BBOX1: variants seen among roughly 807,000 people sequenced by gnomAD.
BBOX1 encodes the protein gamma-butyrobetaine dioxygenase.
Under a neutral mutation model 41.6 loss-of-function variants are expected in BBOX1, and 35 were observed. That is an observed-to-expected ratio of 0.84 (90% CI 0.64 to 1.11). The LOEUF (loss-of-function observed/expected upper bound fraction) is 1.11. Among genes scored for constraint, BBOX1 ranks in the 50% most tolerant of loss-of-function variants. The probability of loss-of-function intolerance (pLI) is 0.00; values close to 1 mark genes in which losing one functional copy is unlikely to be tolerated. For synonymous variants in BBOX1, 163 were observed against 154.7 expected (o/e 1.05, Z -0.40); for missense variants, 458 against 460.6 (o/e 0.99, Z 0.05).
At chr11:27,093,095 C>T in intron 4 of BBOX1, 73 bp from the exon 5 acceptor site, 1 of 1,394,120 alleles carries the variant, frequency 7.2e-7, no homozygotes. Context: ...TGAACTAGCC[C>T]CTTCTCTGAG....
intron 4 of BBOX1, among the ~76,000 whole-genome samples, chr11:27,089,205 A>ATAAAG (rs3077754): frequency 1 from 151,763 of 151,918 alleles, 75,804 homozygotes; most frequent in Middle Eastern, 1. Context: ...TTAAAATTAA[A>ATAAAG]TAAACACTTT....
At chr11:27,099,089 AG>A (rs1489850442) in intron 5 of BBOX1, among the ~76,000 whole-genome samples, 1 of 151,914 alleles carries the variant, frequency 6.6e-6, no homozygotes, top group Non-Finnish European at 1.5e-5. Flanking sequence ...AGACAACAAA[AG>A]CTCTTTGACA....
chr11:27,060,680 G>A (rs949993138), intron 4 of BBOX1, among the ~76,000 whole-genome samples: 1 of 152,066 alleles, frequency 6.6e-6, no homozygotes, highest in Non-Finnish European at 1.5e-5. Flanking sequence ...AACCAAATAG[G>A]TTCACCATTT....
At position 27,057,063 on chromosome 11, in the gene BBOX1, T is replaced by TAAAAAAAAAAAAAAAAAAAAAAAAAA. The variant is rs1459422645; in HGVS notation, c.220-138_220-137insAAAAAAAAAAAAAAAAAAAAAAAAAA. On this transcript the variant is annotated intron_variant, in intron 3 of 8. Transcript: ENST00000263182. The stretch of plus-strand genomic sequence containing the variant: ...CCTGGCAACAGAGGAAGACTCCGAC[T>TAAAAAAAAAAAAAAAAAAAAAAAAAA]TAAAAAAAAAAAAAAAAAAAAATTA... 376 of 149,716 alleles carry TAAAAAAAAAAAAAAAAAAAAAAAAAA rather than the reference T, an allele frequency of 2.5e-3. 135 individuals carry two copies. The highest frequency in any genetic ancestry group is 4.0e-3 in the Admixed American group (21 of 5,304). 9.3% of individuals were successfully genotyped at this position (149,716 alleles called of 1,614,324 possible). A position where few individuals can be genotyped will look rare whatever the true frequency, so the allele number is the denominator to read the frequency against.
At chr11:27,096,361 T>C (rs1858438337) in intron 5 of BBOX1, among the ~76,000 whole-genome samples, 1 of 151,914 alleles carries the variant, frequency 6.6e-6, no homozygotes, top group Non-Finnish European at 1.5e-5. Context: ...AGTGAGTGAA[T>C]GGAATGAATA....
rs557830483 is a variant in BBOX1 at position 27,099,764 on chromosome 11, G to A, written c.533+6398G>A. On this transcript the variant is annotated intron_variant, in intron 5 of 8. Transcript: ENST00000263182. ...GATCTCTCTGATCCTCCTCTACTGC[G>A]GACTTGCCTCACTCTTTCTGCAGGG... Among the ~76,000 whole-genome samples the A allele has an allele frequency of 2.1e-3, 327 of 152,106 alleles. 2 individuals are homozygous for A. Among genetic ancestry groups the A allele is most frequent in the Non-Finnish European group, 3.8e-3 (258 of 67,998 alleles).
chr11:27,054,160 A>T (rs1856898734), intron 2 of BBOX1, among the ~76,000 whole-genome samples: 1 of 150,852 alleles, frequency 6.6e-6, no homozygotes, highest in Non-Finnish European at 1.5e-5. Context: ...CCCAGTGCCT[A>T]TTGCAGTGCC....
chr11:27,057,196 A>G lies in BBOX1; in HGVS notation c.220-5A>G, dbSNP rs753958327. The G allele has an allele frequency of 5.7e-6, 9 of 1,570,366 alleles. No homozygotes were observed. The Admixed American group carries it at 1.8e-4, about 32-fold the overall frequency. ...ATAGGTGAAATTTGCTTTTTGTGTT[A>G]TAAGGTGTACATCACATGGCCCGAT... On this transcript the variant is annotated splice_polypyrimidine_tract_variant and splice_region_variant and intron_variant, in intron 3 of 8. Transcript: ENST00000263182.
chr11:27,100,064 G>A (rs1858590401), intron 5 of BBOX1, among the ~76,000 whole-genome samples: 1 of 152,038 alleles, frequency 6.6e-6, no homozygotes, highest in South Asian at 2.1e-4. Flanking sequence ...ACTCCTGTTT[G>A]CATTTCTGAA....
intron 4 of BBOX1, among the ~76,000 whole-genome samples, chr11:27,072,226 C>A (rs980339452): frequency 1.3e-5 from 2 of 152,174 alleles, no homozygotes; most frequent in Admixed American, 6.5e-5. Context: ...AGCAAAATCT[C>A]AGGATACAAA....
chr11:27,070,883 G>T (rs77646385), intron 4 of BBOX1, among the ~76,000 whole-genome samples: 60 of 151,958 alleles, frequency 3.9e-4, no homozygotes, highest in African/African-American at 1.4e-3. Flanking sequence ...TGAGTTTTAC[G>T]CTTTCAAGAG....
At chr11:27,102,284 TGA>T (rs1286918784) in intron 5 of BBOX1, among the ~76,000 whole-genome samples, 1 of 152,012 alleles carries the variant, frequency 6.6e-6, no homozygotes, top group Non-Finnish European at 1.5e-5. Flanking sequence ...GGGAGAAAAG[TGA>T]GGTTTGTGTT....
chr11:27,108,792 A>G (rs1858952666), intron 5 of BBOX1, among the ~76,000 whole-genome samples: 1 of 152,080 alleles, frequency 6.6e-6, no homozygotes, highest in South Asian at 2.1e-4. Flanking sequence ...TTTATCCTCA[A>G]TCCCAGGGAA....
At chr11:27,100,901 G>A (rs1858623920) in intron 5 of BBOX1, among the ~76,000 whole-genome samples, 1 of 151,874 alleles carries the variant, frequency 6.6e-6, no homozygotes, top group South Asian at 2.1e-4. Context: ...CTTGTACTCT[G>A]TGCAGCCAGG....
At chr11:27,090,697 G>C (rs540545504) in intron 4 of BBOX1, among the ~76,000 whole-genome samples, 18 of 151,828 alleles carry the variant, frequency 1.2e-4, no homozygotes, top group Non-Finnish European at 2.4e-4. Flanking sequence ...CCAGGGCAGA[G>C]TTTTTCCCCA....
chr11:27,110,587 C>G (rs1564985642), intron 5 of BBOX1, among the ~76,000 whole-genome samples: 1 of 151,954 alleles, frequency 6.6e-6, no homozygotes, highest in Non-Finnish European at 1.5e-5. Flanking sequence ...TCACATTTCT[C>G]CTTCCCTTAT....
At chr11:27,119,873 G>A (rs1380124734) in intron 7 of BBOX1, 28 bp downstream of exon 7, 2 of 1,266,624 alleles carry the variant, frequency 1.6e-6, no homozygotes, top group Non-Finnish European at 2.1e-6. Flanking sequence ...ATTTCCCATA[G>A]CAATAAAAGA....
chr11:27,046,231 T>G (rs1217517586), intron 2 of BBOX1: 1 of 152,144 alleles, frequency 6.6e-6, no homozygotes, highest in Non-Finnish European at 1.5e-5. Flanking sequence ...CTTTCTTGAT[T>G]TTCCAAACAG....
chr11:27,070,964 T>A (rs927892256), intron 4 of BBOX1, among the ~76,000 whole-genome samples: 1 of 152,158 alleles, frequency 6.6e-6, no homozygotes, highest in African/African-American at 2.4e-5. Flanking sequence ...AGGGCTTGTC[T>A]AGTAGTAACA....
Sources: allele counts gnomAD v4.1 joint callset (sites outside exome capture counted in the v4.1 genomes callset), GRCh38; gene constraint gnomAD v4.1.1; transcripts MANE v1.5; gene names NCBI Gene and HGNC (gene_info 2026-07-23, HGNC 2026-07-21).